Variants in FRMD3 observed in about 807,000 individuals in gnomAD.
FRMD3 encodes the protein FERM domain-containing protein 3.
Under a neutral mutation model 70.2 loss-of-function variants are expected in FRMD3, and 33 were observed. That is an observed-to-expected ratio of 0.47 (90% CI 0.36 to 0.63). FRMD3 has a LOEUF of 0.63. Among genes scored for constraint, FRMD3 ranks in the 20% least tolerant of loss-of-function variants. FRMD3 has a pLI of 0.00. For missense variants in FRMD3, 632 were observed against 711.4 expected, an observed-to-expected ratio of 0.89 and a Z score of 1.27; for synonymous variants, 279 against 255.9, an observed-to-expected ratio of 1.09 and a Z score of -0.86.
At chr9:83,319,913 G>C (rs1835727774) in intron 6 of FRMD3, among the ~76,000 whole-genome samples, 1 of 152,170 alleles carries the variant, frequency 6.6e-6, no homozygotes, top group Non-Finnish European at 1.5e-5. Context: ...TCTTTCTTTT[G>C]TAAATTGCCC....
upstream of FRMD3, among the ~76,000 whole-genome samples, chr9:83,539,266 G>A (rs761905322): frequency 1.3e-5 from 2 of 152,194 alleles, no homozygotes; most frequent in East Asian, 3.9e-4. Flanking sequence ...CGCGCCTCCA[G>A]GGTGTTGAAG....
At chr9:83,349,883 T>C in intron 3 of FRMD3, 126 bp from the exon 4 acceptor site, 1 of 624,528 alleles carries the variant, frequency 1.6e-6, no homozygotes, top group Admixed American at 2.9e-5. Context: ...AGGGGGTGAT[T>C]GTTTTGGAAG....
intron 1 of FRMD3, among the ~76,000 whole-genome samples, chr9:83,516,053 T>C (rs902220666): frequency 8.6e-5 from 13 of 152,028 alleles, no homozygotes; most frequent in African/African-American, 3.1e-4. Flanking sequence ...ATGAAGAAAC[T>C]GCAACAACTA....
At position 83,537,152 on chromosome 9, in the gene FRMD3, G is replaced by A. The variant is rs2131565859; in HGVS notation, c.147+933C>T. Among the ~76,000 whole-genome samples the A allele has an allele frequency of 6.6e-6, 1 of 152,092 alleles. No individual in the cohort carries two copies. The highest frequency in any genetic ancestry group is 1.9e-4 in the East Asian group (1 of 5,152). ...CCACCTGCCTACATATTCACCCACAGCAAATATGCACACGCACGCGCAACC... is the reference window on the plus strand; with the variant it reads ...CCACCTGCCTACATATTCACCCACAACAAATATGCACACGCACGCGCAACC... On this transcript the variant is annotated intron_variant, in intron 1 of 13. Coordinates refer to ENST00000304195, the MANE Select transcript of FRMD3 (RefSeq NM_174938.6). The surrounding 1 kb of genome is among the most constrained non-coding windows in gnomAD (Gnocchi z 4.1).
At chr9:83,474,356 C>G (rs1029537364) in intron 1 of FRMD3, among the ~76,000 whole-genome samples, 1 of 152,158 alleles carries the variant, frequency 6.6e-6, no homozygotes, top group African/African-American at 2.4e-5. Context: ...CTAAATAAAG[C>G]AACCATTCTA....
chr9:83,555,975 T>G, the FRMD3 span, among the ~76,000 whole-genome samples: 1 of 152,218 alleles, frequency 6.6e-6, no homozygotes, highest in African/African-American at 2.4e-5. Context: ...CCAGGTGAGC[T>G]GTTGTCTTGT....
chr9:83,585,293 A>G, the FRMD3 span, among the ~76,000 whole-genome samples: 1 of 152,244 alleles, frequency 6.6e-6, no homozygotes, highest in South Asian at 2.1e-4. Flanking sequence ...AGCCAGGACC[A>G]AAGGCTTAAG....
intron 1 of FRMD3, among the ~76,000 whole-genome samples, chr9:83,524,821 G>A (rs1829651610): frequency 6.6e-6 from 1 of 152,020 alleles, no homozygotes; most frequent in African/African-American, 2.4e-5. Context: ...GCTAAACAAA[G>A]AACCAATAAA....
chr9:83,521,411 A>G (rs903373345), intron 1 of FRMD3, among the ~76,000 whole-genome samples: 3 of 152,210 alleles, frequency 2.0e-5, no homozygotes, highest in African/African-American at 7.2e-5. Flanking sequence ...ACTTGAGCCC[A>G]GGAATTCAAG....
chr9:83,575,103 T>A, the FRMD3 span, among the ~76,000 whole-genome samples: 1 of 152,174 alleles, frequency 6.6e-6, no homozygotes, highest in African/African-American at 2.4e-5. Context: ...AAATCATCCC[T>A]TAAGTTCTGT....
chr9:83,461,624 A>G (rs991368843), intron 1 of FRMD3, among the ~76,000 whole-genome samples: 1 of 142,832 alleles, frequency 7.0e-6, no homozygotes, highest in African/African-American at 2.6e-5. Context: ...AGTTCAAGGC[A>G]TTTAAAAGCA....
At chr9:83,338,728 G>A (rs1277010748) in intron 5 of FRMD3, among the ~76,000 whole-genome samples, 1 of 152,130 alleles carries the variant, frequency 6.6e-6, no homozygotes, top group East Asian at 1.9e-4. Context: ...ACAAAGATAT[G>A]TATATGAACC....
intron 13 of FRMD3, among the ~76,000 whole-genome samples, chr9:83,278,860 A>C (rs1833877370): frequency 6.6e-6 from 1 of 152,156 alleles, no homozygotes; most frequent in Non-Finnish European, 1.5e-5. Context: ...AGGACAGAGC[A>C]ACAGAGAGAG....
At position 83,335,561 on chromosome 9, in the gene FRMD3, T is replaced by A. The variant is rs770074117; in HGVS notation, c.551A>T (p.Gln184Leu). The change falls in exon 6 of 14, where the codon CAG (glutamine) becomes CTG (leucine). Residue 184 changes from glutamine to leucine, a missense_variant. By Grantham distance (113) the Gln-to-Leu change is moderately radical (BLOSUM62 -2). Transcript: ENST00000304195. ...TTCCACTATTTTTCTTTCCAGCTTC[T>A]GTGACTGCTTGGGGAAAATCTCAAA... ...SEFEIFPKQSQKLERKIVEIH... is the reference protein window; with the variant it reads ...SEFEIFPKQSLKLERKIVEIH... The A allele has an allele frequency of 3.8e-5, 61 of 1,613,266 alleles. No individual in the cohort carries two copies. The highest frequency in any genetic ancestry group is 5.1e-5 in the Non-Finnish European group (60 of 1,179,458).
chr9:83,293,488 G>T (rs554061647), intron 12 of FRMD3, among the ~76,000 whole-genome samples: 155 of 152,238 alleles, frequency 1.0e-3, no homozygotes, highest in Middle Eastern at 3.4e-3. Flanking sequence ...ATGCTACAAC[G>T]ATGGGCCCTC....
At chr9:83,312,999 T>C (rs2131058973) in intron 7 of FRMD3, among the ~76,000 whole-genome samples, 1 of 152,312 alleles carries the variant, frequency 6.6e-6, no homozygotes, top group African/African-American at 2.4e-5. Context: ...TAGTTTAGGA[T>C]TAGGACTAGT....
chr9:83,403,184 G>A (rs185504818), intron 1 of FRMD3, among the ~76,000 whole-genome samples: 4 of 152,078 alleles, frequency 2.6e-5, no homozygotes, highest in South Asian at 2.1e-4. Flanking sequence ...ACTTACAGGC[G>A]TGAGCCACCA....
intron 13 of FRMD3, among the ~76,000 whole-genome samples, chr9:83,272,147 A>G (rs1833580415): frequency 6.7e-6 from 1 of 148,358 alleles, no homozygotes; most frequent in African/African-American, 2.5e-5. Context: ...TCTCCCTCTG[A>G]TGCCTAGCTG....
At chr9:83,429,433 C>A (rs1163712681) in intron 1 of FRMD3, among the ~76,000 whole-genome samples, 4 of 152,142 alleles carry the variant, frequency 2.6e-5, no homozygotes, top group Admixed American at 2.0e-4. Context: ...TCTTTTTCCT[C>A]AGCTTACAAA....
Sources: allele counts gnomAD v4.1 joint callset (sites outside exome capture counted in the v4.1 genomes callset), GRCh38; gene constraint gnomAD v4.1.1; non-coding constraint Gnocchi (gnomAD v3.1); transcripts MANE v1.5; gene names NCBI Gene and HGNC (gene_info 2026-07-23, HGNC 2026-07-21).